Variants in MYH10 observed in about 807,000 individuals in gnomAD.
MYH10 encodes the protein myosin heavy chain 10, also known as myosin-10.
Under a neutral mutation model 257.8 loss-of-function variants are expected in MYH10, and 55 were observed. The ratio of observed to expected loss-of-function variants is 0.21; its 90% CI spans 0.17 to 0.27. The LOEUF is 0.27. Among genes scored for constraint, MYH10 ranks in the 10% least tolerant of loss-of-function variants. The pLI is 1.00. For synonymous variants in MYH10, 854 were observed against 921.7 expected (o/e 0.93, Z 1.33); for missense variants, 1,631 against 2,500.6 (o/e 0.65, Z 7.42).
intron 3 of MYH10, among the ~76,000 whole-genome samples, chr17:8,601,977 C>CT (rs11481345): frequency 0.96 from 132,803 of 138,868 alleles, 63,684 homozygotes; most frequent in South Asian, 0.99. Flanking sequence ...GAAACAGAAT[C>CT]TTTTTTTTTT....
At chr17:8,487,923 G>A (rs1915147377) in intron 35 of MYH10, among the ~76,000 whole-genome samples, 1 of 152,196 alleles carries the variant, frequency 6.6e-6, no homozygotes, top group South Asian at 2.1e-4. Flanking sequence ...TGTAATAAAG[G>A]CTGGGGTAGG....
In MYH10 at chr17:8,521,017, A is replaced by T; in HGVS notation, c.2152-18T>A. The T allele has an allele frequency of 6.2e-7, 1 of 1,610,714 alleles. No homozygotes were observed. The highest frequency in any genetic ancestry group is 2.2e-5 in the East Asian group (1 of 44,820). On this transcript the variant is annotated intron_variant, in intron 18 of 42. Transcript: ENST00000360416. ...TTTCCAGCCTAATCAAGCAAACAAT[A>T]GTTTCATGGTTTAATCTTTAGCATC... is the stretch of plus-strand genomic sequence containing the variant.
intron 4 of MYH10, among the ~76,000 whole-genome samples, chr17:8,579,758 AC>A (rs1344294003): frequency 7.2e-5 from 11 of 152,096 alleles, no homozygotes; most frequent in African/African-American, 2.7e-4. Context: ...ATCAATCTGT[AC>A]TCTCATTTTT....
At chr17:8,500,575 T>G (rs1436996798) in intron 29 of MYH10, among the ~76,000 whole-genome samples, 1 of 152,132 alleles carries the variant, frequency 6.6e-6, no homozygotes, top group African/African-American at 2.4e-5. Context: ...GAAGAGACAC[T>G]GGGGAGGACT....
intron 6 of MYH10, among the ~76,000 whole-genome samples, chr17:8,575,983 T>TA (rs1217520283): frequency 1.3e-5 from 2 of 152,222 alleles, no homozygotes; most frequent in African/African-American, 4.8e-5. Flanking sequence ...TAATTGATTT[T>TA]ATTTTACTTA....
chr17:8,613,924 CTTTGCAAGAAAACAACAGTCAAT>C (rs1051060254), intron 2 of MYH10, among the ~76,000 whole-genome samples: 10 of 152,144 alleles, frequency 6.6e-5, no homozygotes, highest in South Asian at 6.2e-4. Context: ...AAATATCAGA[CTTTGCAAGAAAACAACAGTCAAT>C]TTTGCAAGAA....
At chr17:8,498,177 G>A (rs2151836303) in intron 30 of MYH10, among the ~76,000 whole-genome samples, 1 of 151,726 alleles carries the variant, frequency 6.6e-6, no homozygotes, top group South Asian at 2.1e-4. Flanking sequence ...GAAGAGACAG[G>A]GTTTCGCCAT....
chr17:8,488,067 C>T (rs1915170441), intron 35 of MYH10, among the ~76,000 whole-genome samples: 1 of 152,132 alleles, frequency 6.6e-6, no homozygotes, highest in Admixed American at 6.6e-5. Context: ...TGCCTTTGAT[C>T]AGCAGGAAAG....
At chr17:8,553,855 C>A in intron 8 of MYH10, 100 bp downstream of exon 8, 1 of 918,036 alleles carries the variant, frequency 1.1e-6, no homozygotes, top group South Asian at 1.5e-5. Flanking sequence ...CAAGTTTTAT[C>A]ATCTGGATTT....
rs778702664 is a variant in MYH10, at chr17:8,506,337, G to C, written c.3367C>G (p.Leu1123Val). Residue 1123 changes from leucine to valine, a missense_variant, in exon 27 of 43, where the codon CTG (leucine) becomes GTG (valine). Coordinates refer to ENST00000360416, the MANE Select transcript of MYH10 (RefSeq NM_001256012.3). The surrounding 1 kb of genome is among the most constrained non-coding windows in gnomAD (Gnocchi z 5.0). ...KLQLAKKEEE[L>V]QGALARGDDE... ...GCAGACCTGGCCAGTGCGCCCTGCA[G>C]CTCCTCCTCCTTCTTGGCCAGCTGC... The C allele has an allele frequency of 6.2e-7, 1 of 1,604,142 alleles. No homozygotes were observed. The highest frequency in any genetic ancestry group is 1.1e-5 in the South Asian group (1 of 89,350).
At chr17:8,625,339 G>A (rs779832844) in intron 1 of MYH10, among the ~76,000 whole-genome samples, 19 of 152,308 alleles carry the variant, frequency 1.2e-4, no homozygotes, top group Non-Finnish European at 2.1e-4. Context: ...AATGTAATGC[G>A]TTACAAACAC....
At chr17:8,574,069 A>C (rs1215434747) in intron 6 of MYH10, among the ~76,000 whole-genome samples, 1 of 152,216 alleles carries the variant, frequency 6.6e-6, no homozygotes, top group Non-Finnish European at 1.5e-5. Flanking sequence ...TCTCACCATA[A>C]CTTGTACATG....
chr17:8,529,568 C>A (rs180884820), intron 17 of MYH10, among the ~76,000 whole-genome samples: 1 of 152,286 alleles, frequency 6.6e-6, no homozygotes, highest in East Asian at 1.9e-4. Context: ...CTTTGGAGTT[C>A]CGTAGAATTT....
chr17:8,525,489 A>G (rs73248048), intron 17 of MYH10, among the ~76,000 whole-genome samples: 2,154 of 152,342 alleles, frequency 0.014, 45 homozygotes, highest in African/African-American at 0.05. Flanking sequence ...CACAGTAGCT[A>G]TTTAATAAAT....
At chr17:8,625,456 T>C (rs2085639799) in intron 1 of MYH10, among the ~76,000 whole-genome samples, 1 of 151,440 alleles carries the variant, frequency 6.6e-6, no homozygotes. Context: ...CCTGATTCAG[T>C]AGGTATAGGG....
chr17:8,512,680 G>A (rs760981573), intron 23 of MYH10, 23 bp from the exon 24 acceptor site: 2 of 1,601,030 alleles, frequency 1.2e-6, no homozygotes, highest in South Asian at 2.2e-5. Flanking sequence ...TAAAGTGTCT[G>A]TGATTTGCCC....
rs71361810 is a variant in MYH10, at chr17:8,610,271, C to CAAAAAAAAAAAAAAAAAAAAA, written c.346-5310_346-5290dup. On this transcript the variant is annotated intron_variant, in intron 2 of 42. Transcript: ENST00000360416. ...GTTTATAGGGAGCACCATAGGATTG[C>CAAAAAAAAAAAAAAAAAAAAA]AAAAAAAAAAAAAAAAAAAAAGGGT... Among the ~76,000 whole-genome samples the CAAAAAAAAAAAAAAAAAAAAA allele has an allele frequency of 5.0e-4, 23 of 45,980 alleles. 8 individuals carry two copies. Among genetic ancestry groups the CAAAAAAAAAAAAAAAAAAAAA allele is most frequent in the African/African-American group, 1.3e-3 (13 of 9,864 alleles). The allele number at this position is 45,980 out of a possible 152,430, so 30.2% of individuals were successfully genotyped here.
intron 7 of MYH10, among the ~76,000 whole-genome samples, chr17:8,567,241 C>T (rs992573753): frequency 6.6e-6 from 1 of 152,110 alleles, no homozygotes; most frequent in Non-Finnish European, 1.5e-5. Flanking sequence ...TTCCTCAGAT[C>T]GTTTCTAAAC....
rs10520 is a variant in MYH10 at position 8,474,948 on chromosome 17, G to A, written c.*856C>T. 55,630 of 152,554 alleles carry A rather than the reference G, an allele frequency of 0.36. 10,183 individuals are homozygous for A. Among genetic ancestry groups the A allele is most frequent in the South Asian group, 0.42 (2,048 of 4,822 alleles). The allele number at this position is 152,554 out of a possible 1,614,324, so 9.5% of individuals were successfully genotyped here. ...TCAGCATGAGGGCCCGGCTGGCGAT[G>A]GGGAGGGGCCTTCCACCAGCTCGGC... is the stretch of plus-strand genomic sequence containing the variant. On this transcript the variant is annotated 3_prime_UTR_variant, in exon 43 of 43. Coordinates refer to ENST00000360416, the MANE Select transcript of MYH10 (RefSeq NM_001256012.3).
Sources: gnomAD v4.1 joint callset for allele counts (sites outside exome capture counted in the v4.1 genomes callset) on GRCh38, gnomAD v4.1.1 for gene constraint, Gnocchi (gnomAD v3.1) non-coding constraint, MANE v1.5 for transcripts, NCBI Gene and HGNC (gene_info 2026-07-23, HGNC 2026-07-21) for gene names.